The following RIF1 variants were observed in gnomAD, a reference collection of about 807,000 sequenced individuals.
The protein encoded by RIF1 is telomere-associated protein RIF1.
RIF1 carries 45 observed loss-of-function variants against 247.1 expected under a neutral mutation model. The observed-to-expected ratio is 0.18, with a 90% CI of 0.14 to 0.23. RIF1 has a LOEUF of 0.23. Ranked by LOEUF, RIF1 falls within the 10% of genes least tolerant of loss-of-function variation. The pLI, the probability that RIF1 is intolerant of heterozygous loss-of-function variation, is 1.00. For missense variants in RIF1, 2,967 were observed against 2,862.5 expected (o/e 1.04, Z -0.83); for synonymous variants, 1,087 against 978.8 (o/e 1.11, Z -2.06).
intron 34 of RIF1, among the ~76,000 whole-genome samples, chr2:151,472,202 A>T (rs1375301381): frequency 6.6e-6 from 1 of 152,062 alleles, no homozygotes; most frequent in African/African-American, 2.4e-5. Context: ...AATGCTTGTG[A>T]TTTTTGCACA....
the RIF1 span, chr2:151,516,679 C>G: frequency 2.8e-6 from 2 of 721,874 alleles, no homozygotes; most frequent in Admixed American, 2.1e-5. Context: ...CTCATTGCCA[C>G]TCAAAACAGT....
At chr2:151,497,652 T>C in intron 10 of RIF1, 2 of 1,582,732 alleles carry the variant, frequency 1.3e-6, no homozygotes, top group Non-Finnish European at 1.7e-6. Flanking sequence ...TGATTGTGTT[T>C]GACTCTTTCC....
intron 30 of RIF1, among the ~76,000 whole-genome samples, chr2:151,466,548 TAAAA>T (rs201120384): frequency 1.4e-5 from 2 of 148,128 alleles, no homozygotes; most frequent in Non-Finnish European, 3.0e-5. Context: ...CATATCTAAT[TAAAA>T]AAAAAAACTC....
chr2:151,462,806 A>G, intron 29 of RIF1, 78 bp from the exon 30 acceptor site: 2 of 1,140,420 alleles, frequency 1.8e-6, no homozygotes, highest in African/African-American at 1.5e-5. Context: ...GTTTTACACT[A>G]AAGTTTTCCC....
chr2:151,499,239 C>T, intron 10 of RIF1: 1 of 890,804 alleles, frequency 1.1e-6, no homozygotes, highest in South Asian at 1.7e-5. Context: ...TAAAATCTAG[C>T]CATTAATCTT....
At position 151,462,301 on chromosome 2, in the gene RIF1, A is replaced by G; in HGVS notation, c.3287A>G (p.Gln1096Arg). 6.3e-7 allele frequency: 1 copy of G among 1,584,860 alleles called. No homozygotes were observed. Among genetic ancestry groups the G allele is most frequent in the Non-Finnish European group, 8.6e-7 (1 of 1,162,250 alleles). Reference sequence around the variant, plus strand: ...GTTTCCCAAGATACCTTATTTACTCAGTATAGTCAGGAAGAGCCTATGTAA... The same window carrying G: ...GTTTCCCAAGATACCTTATTTACTCGGTATAGTCAGGAAGAGCCTATGTAA... ...LDVSQDTLFT[Q>R]YSQEEPMEIP... The change falls in exon 28 of 36, where the codon CAG becomes CGG. Residue 1096 changes from glutamine to arginine, a missense_variant. Physicochemically the swap from Gln to Arg is conservative, Grantham distance 43. Around this residue, in one of 7 missense-constraint regions of RIF1, gnomAD observed 2,028 missense variants for 1,825.6 expected, o/e 1.11. Transcript: ENST00000444746.
At chr2:151,446,215 C>T (rs1195495492) in intron 19 of RIF1, among the ~76,000 whole-genome samples, 1 of 150,344 alleles carries the variant, frequency 6.7e-6, no homozygotes, top group Non-Finnish European at 1.5e-5. Context: ...GCCATGTTGA[C>T]CTCGAACTCC....
chr2:151,501,130 C>CAATT (rs2064141027), intron 11 of RIF1, among the ~76,000 whole-genome samples: 1 of 151,846 alleles, frequency 6.6e-6, no homozygotes, highest in African/African-American at 2.4e-5. Context: ...TTCTGGAAAT[C>CAATT]AATTAACTTC....
rs1163315698 is a variant in RIF1, at chr2:151,475,317, T to C, written c.*246T>C. The C allele has an allele frequency of 2.3e-6, 1 of 443,050 alleles. No individual in the cohort carries two copies. Among genetic ancestry groups the C allele is most frequent in the South Asian group, 2.5e-5 (1 of 39,888 alleles). The allele number at this position is 443,050 out of a possible 1,614,324, so 27.4% of individuals were successfully genotyped here. Reference sequence around the variant, plus strand: ...CGTGGTTTTTCAGGAAATTTAATTATCTTACTGAGATGTGAAAGCAAAACT... The same window carrying C: ...CGTGGTTTTTCAGGAAATTTAATTACCTTACTGAGATGTGAAAGCAAAACT... On this transcript the variant is annotated 3_prime_UTR_variant, in exon 36 of 36. Coordinates refer to ENST00000444746, the MANE Select transcript of RIF1 (RefSeq NM_018151.5).
chr2:151,412,890 C>T (rs1686508722), intron 3 of RIF1, among the ~76,000 whole-genome samples: 1 of 152,064 alleles, frequency 6.6e-6, no homozygotes, highest in Non-Finnish European at 1.5e-5. Flanking sequence ...CAGTCATCAA[C>T]ATTTTTTGTG....
In RIF1 at chr2:151,415,563, CAAAAAA is replaced by C. The variant is rs3040729; in HGVS notation, c.280+661_280+666del. Reference sequence around the variant, plus strand: ...TGCACTCCAGACTGGGACTCTGTCTCAAAAAAAAAAAAAAAAAAAAAAGGATATTGC... The same window carrying C: ...TGCACTCCAGACTGGGACTCTGTCTCAAAAAAAAAAAAAAAAGGATATTGC... On this transcript the variant is annotated intron_variant, in intron 4 of 35. Transcript: ENST00000444746. Among the ~76,000 whole-genome samples the C allele has an allele frequency of 1.8e-4, 8 of 44,878 alleles. No homozygotes were observed. The East Asian group carries it at 3.6e-3, about 20-fold the overall frequency. 29.4% of individuals were successfully genotyped at this position (44,878 alleles called of 152,430 possible).
chr2:151,457,057 T>G (rs1413624036), intron 23 of RIF1, among the ~76,000 whole-genome samples: 1 of 152,154 alleles, frequency 6.6e-6, no homozygotes, highest in East Asian at 1.9e-4. Flanking sequence ...TAATGGACAT[T>G]TAATAACACC....
chr2:151,522,617 C>T, the RIF1 span, among the ~76,000 whole-genome samples: 2 of 152,166 alleles, frequency 1.3e-5, no homozygotes, highest in African/African-American at 4.8e-5. Context: ...TCTACACGTT[C>T]CAACACAAAA....
intron 10 of RIF1, among the ~76,000 whole-genome samples, chr2:151,434,601 C>T (rs1383165441): frequency 6.6e-6 from 1 of 151,944 alleles, no homozygotes; most frequent in Non-Finnish European, 1.5e-5. Flanking sequence ...CCACCACGCC[C>T]AGCTAATTTT....
At chr2:151,456,764 C>A in intron 23 of RIF1, 144 bp downstream of exon 23, 1 of 504,942 alleles carries the variant, frequency 2.0e-6, no homozygotes, top group Non-Finnish European at 3.4e-6. Context: ...CAGCATTTTG[C>A]TCTTGTCACC....
At chr2:151,420,058 G>A (rs1258307672) in intron 6 of RIF1, 132 bp from the exon 7 acceptor site, 15 of 703,436 alleles carry the variant, frequency 2.1e-5, no homozygotes, top group Non-Finnish European at 2.3e-5. Flanking sequence ...TTTCTTGTGT[G>A]TATATGCATA....
At chr2:151,505,619 G>T in intron 12 of RIF1, 1 of 1,431,306 alleles carries the variant, frequency 7.0e-7, no homozygotes, top group Non-Finnish European at 9.9e-7. Flanking sequence ...ATGCTGGACT[G>T]TTATTCTTCC....
chr2:151,474,632 C>T (rs1455247654), intron 35 of RIF1, among the ~76,000 whole-genome samples: 1 of 152,074 alleles, frequency 6.6e-6, no homozygotes, highest in East Asian at 1.9e-4. Context: ...GCTGAGATTA[C>T]GCCACTGCAC....
intron 13 of RIF1, chr2:151,507,614 TCC>T (rs2070325518): frequency 4.8e-6 from 1 of 209,620 alleles, no homozygotes; most frequent in Non-Finnish European, 9.7e-6. Flanking sequence ...CAATCACACT[TCC>T]GCATCTCTAT....
Sources: gnomAD v4.1 joint callset for allele counts (sites outside exome capture counted in the v4.1 genomes callset) on GRCh38, gnomAD v4.1.1 for gene constraint, gnomAD v4.1.1 regional missense constraint, MANE v1.5 for transcripts, NCBI Gene and HGNC (gene_info 2026-07-23, HGNC 2026-07-21) for gene names.